MMS19: variants seen among roughly 807,000 people sequenced by gnomAD.
MMS19 encodes MMS19 nucleotide excision repair protein homolog.
A neutral mutation model predicts 129.8 loss-of-function variants in MMS19; 77 were observed. The ratio of observed to expected loss-of-function variants is 0.59; its 90% confidence interval spans 0.49 to 0.72. The LOEUF (loss-of-function observed/expected upper bound fraction) is 0.72. Among genes scored for constraint, MMS19 ranks in the 30% least tolerant of loss-of-function variants. The pLI is 0.00. For missense variants in MMS19, 1,168 were observed against 1,266.3 expected (o/e 0.92, Z 1.18); for synonymous variants, 491 against 502.8 (o/e 0.98, Z 0.31).
At chr10:97,495,403 AG>A (rs2135587702) in intron 1 of MMS19, among the ~76,000 whole-genome samples, 1 of 152,360 alleles carries the variant, frequency 6.6e-6, no homozygotes, top group Non-Finnish European at 1.5e-5. Context: ...TTGTGATCAA[AG>A]GGTGCTCCTT....
chr10:97,480,649 T>C (rs1199689261), intron 3 of MMS19, among the ~76,000 whole-genome samples: 1 of 152,170 alleles, frequency 6.6e-6, no homozygotes, highest in Non-Finnish European at 1.5e-5. Flanking sequence ...TGGCGTGATC[T>C]CGGCTCACTG....
Position 97,462,093 on chromosome 10 carries a change from A to G in MMS19, c.2039T>C (p.Ile680Thr). 6.3e-7 allele frequency: 1 copy of G among 1,584,522 alleles called. No homozygotes were observed. The highest frequency in any genetic ancestry group is 8.6e-7 in the Non-Finnish European group (1 of 1,164,946). Residue 680 changes from isoleucine (I) to threonine (T), a missense_variant, in exon 21 of 31, where the codon ATT (isoleucine) becomes ACT (threonine). By Grantham distance (89) the Ile-to-Thr change is moderately conservative. Around this residue, in one of 3 missense-constraint regions of MMS19, gnomAD observed 831 missense variants for 910.8 expected, o/e 0.91. Coordinates refer to ENST00000438925, the MANE Select transcript of MMS19 (RefSeq NM_022362.5). ...PELAAQSVTH[I>T]VPLFLDGNVS... is the part of the protein sequence containing the mutation. ...GTTGCCATCCAAGAAGAGGGGCACA[A>G]TGTGTGTCACACTCTGGGCAGCTAA... is the stretch of plus-strand genomic sequence containing the variant.
intron 1 of MMS19, among the ~76,000 whole-genome samples, chr10:97,493,309 C>A (rs781153256): frequency 2.0e-5 from 3 of 152,166 alleles, no homozygotes; most frequent in Non-Finnish European, 2.9e-5. Context: ...CCATGCCTAG[C>A]CCAGAAAGAC....
intron 26 of MMS19, 140 bp from the exon 27 acceptor site, chr10:97,459,881 C>A: frequency 1.0e-6 from 1 of 972,980 alleles, no homozygotes; most frequent in Non-Finnish European, 1.5e-6. Flanking sequence ...AAGCAAGATA[C>A]GCCCATGAAA....
intron 3 of MMS19, among the ~76,000 whole-genome samples, chr10:97,478,779 A>G (rs2036217432): frequency 6.6e-6 from 1 of 152,194 alleles, no homozygotes; most frequent in Admixed American, 6.5e-5. Context: ...AGGGAAATAA[A>G]TGAGTGTAGC....
In MMS19 at chr10:97,462,114, G is replaced by C; in HGVS notation, c.2018C>G (p.Ala673Gly). ...CACAATGTGTGTCACACTCTGGGCA[G>C]CTAACCTGGGGGCAGAGTACTAGGT... The part of the protein sequence containing the change: ...TATTHLSPEL[A>G]AQSVTHIVPL... The change falls in exon 21 of 31, where the codon GCT becomes GGT. Residue 673 changes from alanine (A) to glycine (G), a missense_variant. Ala to Gly is a moderately conservative substitution (Grantham distance 60, BLOSUM62 0). Around this residue, in one of 3 missense-constraint regions of MMS19, gnomAD observed 831 missense variants for 910.8 expected, o/e 0.91. Coordinates refer to ENST00000438925, the MANE Select transcript of MMS19 (RefSeq NM_022362.5). 6.4e-7 allele frequency: 1 copy of C among 1,573,594 alleles called. No homozygotes were observed. Among genetic ancestry groups the C allele is most frequent in the Non-Finnish European group, 8.6e-7 (1 of 1,158,774 alleles).
chr10:97,459,039 C>T, intron 29 of MMS19, 139 bp from the exon 30 acceptor site: 1 of 983,248 alleles, frequency 1.0e-6, no homozygotes. Flanking sequence ...GGCAGGATGG[C>T]CTTTCTGTTA....
chr10:97,479,593 T>C (rs2036387943), intron 3 of MMS19, among the ~76,000 whole-genome samples: 1 of 152,198 alleles, frequency 6.6e-6, no homozygotes, highest in African/African-American at 2.4e-5. Context: ...TATAACTTCC[T>C]GGCTCCTTCA....
intron 2 of MMS19, among the ~76,000 whole-genome samples, chr10:97,481,254 G>C (rs2036747234): frequency 6.6e-6 from 1 of 152,126 alleles, no homozygotes; most frequent in Non-Finnish European, 1.5e-5. Context: ...TCAGACTGAA[G>C]TGGCATCATT....
chr10:97,488,527 CT>C lies in MMS19; in HGVS notation c.113-4377del, dbSNP rs1244091684. 2.6e-5 allele frequency among the ~76,000 whole-genome samples: 4 copies of C among 152,268 alleles called. No homozygotes were observed. In the East Asian group the frequency reaches 7.7e-4, roughly 29 times the overall value. On this transcript the variant is annotated intron_variant, in intron 1 of 30. Transcript: ENST00000438925. ...CTAAAATCTGTGGATGCTCAAGACC[CT>C]TATATAAAATGGTAAGAGTATTTGC...
chr10:97,492,685 C>T (rs2039116172), intron 1 of MMS19, among the ~76,000 whole-genome samples: 1 of 143,224 alleles, frequency 7.0e-6, no homozygotes, highest in Non-Finnish European at 1.5e-5. Context: ...CCTGTTTCTA[C>T]TAAAAAAAAA....
chr10:97,459,939 C>A (rs898450884), intron 26 of MMS19, 107 bp downstream of exon 26: 2 of 1,257,068 alleles, frequency 1.6e-6, no homozygotes, highest in Non-Finnish European at 2.2e-6. Context: ...TAGGCACAGA[C>A]CACAATATAG....
At position 97,460,697 on chromosome 10, in the gene MMS19, G is replaced by A. The variant is rs144416594; in HGVS notation, c.2467C>T (p.Arg823Trp). The A allele has an allele frequency of 2.1e-5, 34 of 1,592,490 alleles. No individual in the cohort carries two copies. The highest frequency in any genetic ancestry group is 9.2e-5 in the South Asian group (8 of 87,230). The change falls in exon 25 of 31, where the codon CGG becomes TGG. Residue 823 changes from arginine to tryptophan, a missense_variant and splice_region_variant. Physicochemically the swap from Arg to Trp is moderately radical, Grantham distance 101. Coordinates refer to ENST00000438925, the MANE Select transcript of MMS19 (RefSeq NM_022362.5). ...TTCTGTCTCCAGAAAGGACGTACCC[G>A]GGCTGTAAGGCAGGAGCTGAGAGGA... ...YHPLSSCLTA[R>W]LMGLLSDPEL...
intron 10 of MMS19, 44 bp from the exon 11 acceptor site, chr10:97,469,767 A>C: frequency 6.4e-7 from 1 of 1,558,996 alleles, no homozygotes; most frequent in Non-Finnish European, 8.8e-7. Context: ...ACACTCAGAC[A>C]CCCTAGGATG....
intron 6 of MMS19, 30 bp downstream of exon 6, chr10:97,477,317 T>C: frequency 6.2e-7 from 1 of 1,613,976 alleles, no homozygotes; most frequent in East Asian, 2.2e-5. Flanking sequence ...TGCTTGCTTT[T>C]GACATTTCCC....
At position 97,481,055 on chromosome 10, in the gene MMS19, AG is replaced by A; in HGVS notation, c.162-14del. On this transcript the variant is annotated splice_polypyrimidine_tract_variant and intron_variant, in intron 2 of 30. Transcript: ENST00000438925. ...CTCTAGAGAGGACCTAGGGGAAAAC[AG>A]GATAGAGAGAACCTGCAATTACCCA... 6.7e-7 allele frequency: 1 copy of A among 1,484,104 alleles called. No homozygotes were observed. The highest frequency in any genetic ancestry group is 9.4e-7 in the Non-Finnish European group (1 of 1,069,228). The allele number at this position is 1,484,104 out of a possible 1,614,324, so 91.9% of individuals were successfully genotyped here.
At chr10:97,483,912 C>G (rs1169325825) in intron 2 of MMS19, among the ~76,000 whole-genome samples, 191 bp downstream of exon 2, 1 of 152,238 alleles carries the variant, frequency 6.6e-6, no homozygotes, top group Non-Finnish European at 1.5e-5. Flanking sequence ...GAAGCCTCAG[C>G]CAGACAGCAT....
chr10:97,466,060 T>C lies in MMS19; in HGVS notation c.1605A>G (p.Val535=), dbSNP rs1352072509. ...CCACAGAGGATTAGAGACACATACCTACACGCAGCTCCTCAGCGAGCTTGG... is the reference window on the plus strand; with the variant it reads ...CCACAGAGGATTAGAGACACATACCCACACGCAGCTCCTCAGCGAGCTTGG... ...LVPKLAEELR[V]GESNLTNGDE... The change falls in exon 17 of 31, where the codon GTA becomes GTG. Residue 535 remains valine, a splice_region_variant and synonymous_variant. Coordinates refer to ENST00000438925, the MANE Select transcript of MMS19 (RefSeq NM_022362.5). The C allele has an allele frequency of 6.2e-7, 1 of 1,613,722 alleles. No individual in the cohort carries two copies. The highest frequency in any genetic ancestry group is 1.7e-5 in the Admixed American group (1 of 59,994).
In MMS19 at chr10:97,462,120, C is replaced by T. The variant is rs750751913; in HGVS notation, c.2013-1G>A. The T allele has an allele frequency of 1.3e-6, 2 of 1,569,830 alleles. No homozygotes were observed. The highest frequency in any genetic ancestry group is 1.4e-5 in the African/African-American group (1 of 73,874). ...GTGTGTCACACTCTGGGCAGCTAAC[C>T]TGGGGGCAGAGTACTAGGTATGACC... On this transcript the variant is annotated splice_acceptor_variant, in intron 20 of 30. Coordinates refer to ENST00000438925, the MANE Select transcript of MMS19 (RefSeq NM_022362.5). LOFTEE classifies it high-confidence loss of function.
Sources: gnomAD v4.1 joint callset for allele counts (sites outside exome capture counted in the v4.1 genomes callset) on GRCh38, gnomAD v4.1.1 for gene constraint, gnomAD v4.1.1 regional missense constraint, MANE v1.5 for transcripts, NCBI Gene and HGNC (gene_info 2026-07-23, HGNC 2026-07-21) for gene names.